Variants in THSD7B observed in about 807,000 individuals in gnomAD.
THSD7B encodes thrombospondin type 1 domain containing 7B.
THSD7B carries 138 observed loss-of-function variants against 213.6 expected under a neutral mutation model. That is an observed-to-expected ratio of 0.65 (90% CI 0.56 to 0.74). THSD7B has a LOEUF of 0.74. Among genes scored for constraint, THSD7B ranks in the 30% least tolerant of loss-of-function variants. THSD7B has a pLI of 0.00. For missense variants in THSD7B, 1,931 were observed against 1,991.5 expected (o/e 0.97, Z 0.58); for synonymous variants, 742 against 687.0 (o/e 1.08, Z -1.25).
intron 15 of THSD7B, among the ~76,000 whole-genome samples, chr2:137,534,592 A>G (rs936640349): frequency 2.0e-5 from 3 of 151,750 alleles, no homozygotes; most frequent in African/African-American, 7.2e-5. Context: ...ACTAAACACA[A>G]AATAATGCTT....
intron 15 of THSD7B, among the ~76,000 whole-genome samples, chr2:137,549,682 C>T (rs1216963354): frequency 6.6e-6 from 1 of 151,982 alleles, no homozygotes; most frequent in Non-Finnish European, 1.5e-5. Context: ...TTAGGAACTC[C>T]TTATTTCCCT....
chr2:137,070,731 A>G (rs59553763), intron 3 of THSD7B, among the ~76,000 whole-genome samples: 14,965 of 151,488 alleles, frequency 0.099, 1,033 homozygotes, highest in African/African-American at 0.19. Flanking sequence ...CCCCACAACA[A>G]TCCCCGGTGT....
chr2:137,419,960 T>G (rs908921173), intron 14 of THSD7B, among the ~76,000 whole-genome samples: 2 of 152,184 alleles, frequency 1.3e-5, no homozygotes, highest in African/African-American at 4.8e-5. Flanking sequence ...GAATATATAC[T>G]CAGTACTGGA....
chr2:137,483,924 T>A (rs1255316033), intron 15 of THSD7B, among the ~76,000 whole-genome samples: 1 of 152,118 alleles, frequency 6.6e-6, no homozygotes, highest in East Asian at 1.9e-4. Flanking sequence ...GGATGGCTGG[T>A]AGGATGCTAA....
At chr2:137,562,668 T>C (rs556825606) in intron 15 of THSD7B, among the ~76,000 whole-genome samples, 3 of 151,634 alleles carry the variant, frequency 2.0e-5, no homozygotes, top group Admixed American at 1.3e-4. Flanking sequence ...ATCCTACATA[T>C]AGCTAAATTT....
At chr2:137,090,822 G>A (rs1687936144) in intron 3 of THSD7B, among the ~76,000 whole-genome samples, 1 of 152,080 alleles carries the variant, frequency 6.6e-6, no homozygotes, top group Non-Finnish European at 1.5e-5. Flanking sequence ...CAAATCTAAG[G>A]GGTGAGTAAA....
intron 10 of THSD7B, among the ~76,000 whole-genome samples, chr2:137,252,769 G>T (rs1682216218): frequency 6.6e-6 from 1 of 152,156 alleles, no homozygotes; most frequent in Admixed American, 6.5e-5. Flanking sequence ...CCACGGGGAG[G>T]TTGGCCTTTC....
chr2:137,490,736 C>T (rs1688585816), intron 15 of THSD7B, among the ~76,000 whole-genome samples: 1 of 152,132 alleles, frequency 6.6e-6, no homozygotes, highest in Non-Finnish European at 1.5e-5. Flanking sequence ...TTTGCTAATC[C>T]TGTATATGAA....
intron 14 of THSD7B, among the ~76,000 whole-genome samples, chr2:137,422,985 T>C (rs1558792416): frequency 6.6e-6 from 1 of 152,122 alleles, no homozygotes; most frequent in Non-Finnish European, 1.5e-5. Flanking sequence ...GAATAAATTG[T>C]GGACCCATGA....
intron 2 of THSD7B, among the ~76,000 whole-genome samples, chr2:136,908,694 A>G (rs1416103856): frequency 1.3e-5 from 2 of 152,210 alleles, no homozygotes; most frequent in African/African-American, 4.8e-5. Flanking sequence ...ATGACATAAT[A>G]CCTTAGGTAA....
chr2:137,342,868 C>T (rs908960490), intron 12 of THSD7B, among the ~76,000 whole-genome samples: 1 of 151,540 alleles, frequency 6.6e-6, no homozygotes, highest in Admixed American at 6.6e-5. Flanking sequence ...ATCCTTGTAT[C>T]CCAGGGCTAA....
chr2:137,420,383 A>C (rs1002317585), intron 14 of THSD7B, among the ~76,000 whole-genome samples: 10 of 152,054 alleles, frequency 6.6e-5, no homozygotes, highest in Non-Finnish European at 1.5e-5. Context: ...ACCTTTCTGA[A>C]CTTGTATTAG....
At chr2:136,842,182 A>G (rs143547306) in intron 1 of THSD7B, among the ~76,000 whole-genome samples, 19 of 152,308 alleles carry the variant, frequency 1.2e-4, no homozygotes, top group African/African-American at 4.6e-4. Context: ...CATCTGAATG[A>G]TTTCTGTGTT....
chr2:137,397,671 TTGTGGCGTTCTC>T (rs2104990431), intron 12 of THSD7B, among the ~76,000 whole-genome samples: 1 of 151,896 alleles, frequency 6.6e-6, no homozygotes, highest in Admixed American at 6.6e-5. Context: ...AGGAGTATCT[TTGTGGCGTTCTC>T]TGTATTTCCT....
chr2:136,771,192 T>G (rs373811326), intron 1 of THSD7B, among the ~76,000 whole-genome samples: 1 of 152,302 alleles, frequency 6.6e-6, no homozygotes, highest in African/African-American at 2.4e-5. Context: ...CCATTCACTT[T>G]TGTGATTAAA....
chr2:137,146,208 A>G (rs536683585), intron 5 of THSD7B, among the ~76,000 whole-genome samples: 3 of 152,284 alleles, frequency 2.0e-5, no homozygotes, highest in East Asian at 1.9e-4. Context: ...CTAAAGTATT[A>G]TCTTTAATAC....
chr2:137,376,285 T>A (rs1685652592), intron 12 of THSD7B, among the ~76,000 whole-genome samples: 1 of 152,180 alleles, frequency 6.6e-6, no homozygotes, highest in African/African-American at 2.4e-5. Flanking sequence ...AGAACCTCAG[T>A]CATACACAGG....
At chr2:137,046,094 G>A (rs2104866453) in intron 2 of THSD7B, among the ~76,000 whole-genome samples, 1 of 152,102 alleles carries the variant, frequency 6.6e-6, no homozygotes, top group African/African-American at 2.4e-5. Flanking sequence ...ACTACACTTG[G>A]ACATGATTCT....
At chr2:137,374,547 G>T (rs1201826150) in intron 12 of THSD7B, among the ~76,000 whole-genome samples, 2 of 152,158 alleles carry the variant, frequency 1.3e-5, no homozygotes, top group Non-Finnish European at 2.9e-5. Flanking sequence ...TGTGGAAAAT[G>T]CCTTCTAAGT....
Sources: gnomAD v4.1 joint callset for allele counts (sites outside exome capture counted in the v4.1 genomes callset) on GRCh38, gnomAD v4.1.1 for gene constraint, MANE v1.5 for transcripts, NCBI Gene and HGNC (gene_info 2026-07-23, HGNC 2026-07-21) for gene names.